The following MYPN variants were observed in gnomAD, a reference collection of about 807,000 sequenced individuals.
The protein encoded by MYPN is myopalladin.
MYPN carries 63 observed loss-of-function variants against 129.4 expected under a neutral mutation model. That is an observed-to-expected ratio of 0.49 (90% CI 0.40 to 0.60). MYPN has a LOEUF of 0.60. Ranked by LOEUF, MYPN falls within the 20% of genes least tolerant of loss-of-function variation. MYPN has a pLI of 0.00. For synonymous variants in MYPN, 629 were observed against 600.9 expected (o/e 1.05, Z -0.68); for missense variants, 1,596 against 1,635.4 (o/e 0.98, Z 0.42).
chr10:68,147,053 T>C (rs1285670360), intron 4 of MYPN, among the ~76,000 whole-genome samples: 1 of 151,930 alleles, frequency 6.6e-6, no homozygotes, highest in Non-Finnish European at 1.5e-5. Flanking sequence ...CAATGAGCCA[T>C]AGAGAGAGAG....
chr10:68,143,206 C>A, intron 3 of MYPN, 91 bp downstream of exon 3: 5 of 1,271,604 alleles, frequency 3.9e-6, no homozygotes, highest in African/African-American at 1.5e-5. Flanking sequence ...CTCTACCATG[C>A]GCTCTTCTAG....
intron 13 of MYPN, among the ~76,000 whole-genome samples, chr10:68,191,108 A>C (rs1280206769): frequency 2.0e-5 from 3 of 152,126 alleles, no homozygotes. Context: ...TATAATTTGC[A>C]ATCAGGTAGC....
At chr10:68,178,720 A>AAAAG (rs1272895611) in intron 12 of MYPN, among the ~76,000 whole-genome samples, 1 of 151,682 alleles carries the variant, frequency 6.6e-6, no homozygotes, top group Non-Finnish European at 1.5e-5. Context: ...CTCAAAAAAA[A>AAAAG]AAAAAAAGGA....
intron 18 of MYPN, among the ~76,000 whole-genome samples, chr10:68,202,623 A>AT (rs2043737234): frequency 6.6e-6 from 1 of 152,138 alleles, no homozygotes; most frequent in Admixed American, 6.5e-5. Context: ...AAGCTTAAGG[A>AT]TCCAGTTTCT....
At chr10:68,134,965 T>G (rs1358195303) in intron 2 of MYPN, among the ~76,000 whole-genome samples, 3 of 152,052 alleles carry the variant, frequency 2.0e-5, no homozygotes, top group Non-Finnish European at 4.4e-5. Context: ...TTTTATTATT[T>G]TTTTTGAAAC....
chr10:68,146,324 C>G (rs1345201511), intron 4 of MYPN, among the ~76,000 whole-genome samples: 1 of 152,124 alleles, frequency 6.6e-6, no homozygotes, highest in Non-Finnish European at 1.5e-5. Flanking sequence ...CTAGCAAACT[C>G]TTATTTGTCC....
intron 2 of MYPN, chr10:68,135,611 T>C: frequency 2.3e-6 from 1 of 435,600 alleles, no homozygotes; most frequent in African/African-American, 2.1e-5. Flanking sequence ...CAAAGACAAT[T>C]AAAGGAAAGT....
At chr10:68,205,272 G>A (rs1043777381) in intron 18 of MYPN, among the ~76,000 whole-genome samples, 4 of 151,886 alleles carry the variant, frequency 2.6e-5, no homozygotes, top group Non-Finnish European at 5.9e-5. Flanking sequence ...TCTTCCCCAG[G>A]CATCTTTCCC....
At position 68,211,439 on chromosome 10, in the gene MYPN, G is replaced by T; in HGVS notation, c.*984G>T. 1 of 454,078 alleles carries T rather than the reference G, an allele frequency of 2.2e-6. No homozygotes were observed. The highest frequency in any genetic ancestry group is 4.4e-6 in the Non-Finnish European group (1 of 226,796). 28.1% of individuals were successfully genotyped at this position (454,078 alleles called of 1,614,324 possible). A position where few individuals can be genotyped will look rare whatever the true frequency, so the allele number is the denominator to read the frequency against. ...AGTGTTGTTTTTGTCACTTGCCCCA[G>T]CAGAGCAGGGGTTTTGGAAGGAGAG... On this transcript the variant is annotated 3_prime_UTR_variant, in exon 20 of 20. Transcript: ENST00000358913.
At chr10:68,190,727 G>A (rs2043497044) in intron 13 of MYPN, among the ~76,000 whole-genome samples, 1 of 152,110 alleles carries the variant, frequency 6.6e-6, no homozygotes, top group South Asian at 2.1e-4. Flanking sequence ...TGTTGCCTGT[G>A]CTTTTAAGGT....
intron 6 of MYPN, 93 bp downstream of exon 6, chr10:68,150,204 G>T (rs980398999): frequency 1.7e-6 from 2 of 1,184,894 alleles, no homozygotes; most frequent in Non-Finnish European, 2.5e-6. Flanking sequence ...TTTATCTCAG[G>T]ATTTGGTCTT....
chr10:68,154,026 T>G (rs182447824), intron 6 of MYPN, among the ~76,000 whole-genome samples: 129 of 152,166 alleles, frequency 8.5e-4, no homozygotes, highest in African/African-American at 2.9e-3. Context: ...AAAGTTAAAA[T>G]GAAAAGGAGA....
chr10:68,180,709 G>A (rs960070194), intron 12 of MYPN, among the ~76,000 whole-genome samples: 1 of 152,180 alleles, frequency 6.6e-6, no homozygotes, highest in Admixed American at 6.5e-5. Context: ...GAAAGCCCGC[G>A]GTGAGCTCAG....
intron 2 of MYPN, among the ~76,000 whole-genome samples, chr10:68,134,316 T>A (rs946429183): frequency 4.6e-5 from 7 of 152,096 alleles, no homozygotes; most frequent in African/African-American, 1.4e-4. Flanking sequence ...TTATATTTAA[T>A]AAATAAGTAA....
upstream of MYPN, among the ~76,000 whole-genome samples, chr10:68,103,823 G>C (rs569979087): frequency 6.6e-6 from 1 of 152,170 alleles, no homozygotes; most frequent in Non-Finnish European, 1.5e-5. Context: ...GGTGGCAGGC[G>C]CCTGTAATCC....
At chr10:68,206,637 G>A (rs2043820058) in intron 18 of MYPN, 133 bp from the exon 19 acceptor site, 2 of 1,232,278 alleles carry the variant, frequency 1.6e-6, no homozygotes, top group East Asian at 4.7e-5. Flanking sequence ...GCTCTTCTTT[G>A]ACGTCTTCCA....
intron 12 of MYPN, among the ~76,000 whole-genome samples, chr10:68,178,782 A>G (rs1192144221): frequency 6.6e-6 from 1 of 151,514 alleles, no homozygotes; most frequent in Non-Finnish European, 1.5e-5. Context: ...ATTTTAATTC[A>G]TACATGACTT....
At chr10:68,194,628 G>C (rs1211755769) in intron 14 of MYPN, 116 bp downstream of exon 14, 3 of 1,206,512 alleles carry the variant, frequency 2.5e-6, no homozygotes, top group Non-Finnish European at 3.6e-6. Flanking sequence ...AAATGAATGA[G>C]AAGCATTGTG....
At chr10:68,130,520 T>G (rs943452034) in intron 2 of MYPN, among the ~76,000 whole-genome samples, 7 of 152,106 alleles carry the variant, frequency 4.6e-5, no homozygotes, top group Admixed American at 2.0e-4. Context: ...ACTAGTCATA[T>G]AACACGTTAT....
Sources: gnomAD v4.1 joint callset for allele counts (sites outside exome capture counted in the v4.1 genomes callset) on GRCh38, gnomAD v4.1.1 for gene constraint, MANE v1.5 for transcripts, NCBI Gene and HGNC (gene_info 2026-07-23, HGNC 2026-07-21) for gene names.